Variants in MSI2 observed in about 807,000 individuals in gnomAD.
MSI2 encodes RNA-binding protein Musashi homolog 2.
MSI2 carries 17 observed loss-of-function variants against 45.6 expected under a neutral mutation model. That is an observed-to-expected ratio of 0.37 (90% confidence interval 0.26 to 0.56). The LOEUF is 0.56. MSI2 is among the 20% of genes least tolerant of loss of function. MSI2 has a pLI of 0.77. For synonymous variants in MSI2, 156 were observed against 158.2 expected (o/e 0.99, Z 0.11); for missense variants, 293 against 444.2 (o/e 0.66, Z 3.06).
chr17:57,488,388 A>G (rs2085797503), intron 6 of MSI2, among the ~76,000 whole-genome samples: 1 of 152,202 alleles, frequency 6.6e-6, no homozygotes, highest in African/African-American at 2.4e-5. Flanking sequence ...TATATTATGT[A>G]TTTAAATACA....
chr17:57,492,121 A>C (rs1390428824), intron 6 of MSI2, among the ~76,000 whole-genome samples: 1 of 152,228 alleles, frequency 6.6e-6, no homozygotes. Flanking sequence ...TAATGTACTG[A>C]ATTGCCTAAG....
intron 9 of MSI2, among the ~76,000 whole-genome samples, chr17:57,616,820 G>T (rs1019542381): frequency 6.6e-6 from 1 of 152,184 alleles, no homozygotes; most frequent in South Asian, 2.1e-4. Context: ...GTGGAGATGC[G>T]TAATGGTGTA....
At chr17:57,416,554 A>G (rs1014651357) in intron 6 of MSI2, among the ~76,000 whole-genome samples, 2 of 152,228 alleles carry the variant, frequency 1.3e-5, no homozygotes, top group African/African-American at 4.8e-5. Context: ...TTTTTCTCGT[A>G]CTGTCTGTGA....
intron 5 of MSI2, among the ~76,000 whole-genome samples, chr17:57,274,670 C>T (rs890477250): frequency 6.6e-6 from 1 of 152,200 alleles, no homozygotes; most frequent in Non-Finnish European, 1.5e-5. Context: ...GACACACACA[C>T]GTGGTTGTGC....
chr17:57,538,715 G>A (rs539507775), intron 7 of MSI2, among the ~76,000 whole-genome samples: 202 of 152,224 alleles, frequency 1.3e-3, no homozygotes, highest in Admixed American at 2.4e-3. Context: ...AAACCCTTTC[G>A]TGGTTGTTTT....
chr17:57,302,765 A>G (rs1911519216), intron 5 of MSI2, among the ~76,000 whole-genome samples: 1 of 152,198 alleles, frequency 6.6e-6, no homozygotes, highest in African/African-American at 2.4e-5. Context: ...CTAAATCCAC[A>G]TCCTCTTTTG....
chr17:57,642,211 T>C (rs1910313697), intron 10 of MSI2, among the ~76,000 whole-genome samples: 1 of 152,218 alleles, frequency 6.6e-6, no homozygotes, highest in Non-Finnish European at 1.5e-5. Context: ...CTCAGTAGTT[T>C]TTTTTAACTG....
At chr17:57,507,173 G>A (rs1449565973) in intron 6 of MSI2, among the ~76,000 whole-genome samples, 1 of 30,164 alleles carries the variant, frequency 3.3e-5, no homozygotes, top group Admixed American at 4.2e-4. Context: ...CTCTGTGTGT[G>A]TTGGGGGGGG....
chr17:57,439,853 A>T (rs916558630), intron 6 of MSI2, among the ~76,000 whole-genome samples: 4 of 152,076 alleles, frequency 2.6e-5, no homozygotes, highest in African/African-American at 4.8e-5. Flanking sequence ...AAGTCTTGGG[A>T]TAGTGTGTGA....
At position 57,280,138 on chromosome 17, in the gene MSI2, G is replaced by A. The variant is rs1474862571; in HGVS notation, c.312+17946G>A. 4 of 152,286 alleles carry A rather than the reference G, an allele frequency of 2.6e-5. No homozygotes were observed. Among genetic ancestry groups the A allele is most frequent in the Admixed American group, 1.3e-4 (2 of 15,278 alleles). The allele number at this position is 152,286 out of a possible 1,614,324, so 9.4% of individuals were successfully genotyped here. On this transcript the variant is annotated intron_variant, in intron 5 of 13. Coordinates refer to ENST00000284073, the MANE Select transcript of MSI2 (RefSeq NM_138962.4). This position sits in a 1 kb window ranked among gnomAD's most constrained non-coding sequence, Gnocchi z 4.2. ...GCATTTCATGTGCTGAGGGAAGAGA[G>A]GGTGGCTGGAATGCAGAGAGTGAGG...
chr17:57,623,949 C>T (rs1194681444), intron 9 of MSI2, among the ~76,000 whole-genome samples: 2 of 152,152 alleles, frequency 1.3e-5, no homozygotes, highest in Non-Finnish European at 2.9e-5. Flanking sequence ...AGATAAGATC[C>T]CCCGCTCTGG....
At chr17:57,587,590 G>A (rs527748195) in intron 7 of MSI2, among the ~76,000 whole-genome samples, 9 of 149,216 alleles carry the variant, frequency 6.0e-5, no homozygotes, top group Non-Finnish European at 8.9e-5. Flanking sequence ...CTGCAGAGGC[G>A]CAGGTGTGAG....
At chr17:57,567,913 A>G (rs1310619099) in intron 7 of MSI2, among the ~76,000 whole-genome samples, 3 of 152,234 alleles carry the variant, frequency 2.0e-5, no homozygotes, top group South Asian at 4.1e-4. Flanking sequence ...AAATACCTTT[A>G]CTGAATCCTT....
intron 7 of MSI2, among the ~76,000 whole-genome samples, chr17:57,548,696 G>A (rs1027585777): frequency 2.4e-4 from 36 of 152,126 alleles, no homozygotes; most frequent in African/African-American, 8.7e-4. Context: ...AGCGGGTGGG[G>A]GTGGTGCAGA....
chr17:57,443,617 A>T (rs1385184802), intron 6 of MSI2, among the ~76,000 whole-genome samples: 1 of 152,148 alleles, frequency 6.6e-6, no homozygotes, highest in African/African-American at 2.4e-5. Flanking sequence ...AGAGCAAGTT[A>T]GGGGCTGAGC....
rs1913604901 is a variant in MSI2 at position 57,681,648 on chromosome 17, A to G, written c.*2131A>G. The G allele has an allele frequency of 5.3e-6, 1 of 187,610 alleles. No homozygotes were observed. The highest frequency in any genetic ancestry group is 1.1e-5 in the Non-Finnish European group (1 of 89,172). 11.6% of individuals were successfully genotyped at this position (187,610 alleles called of 1,614,324 possible). A position where few individuals can be genotyped will look rare whatever the true frequency, so the allele number is the denominator to read the frequency against. The stretch of plus-strand genomic sequence containing the variant: ...ATTTTTTTTAATTAAAAAAAAAATC[A>G]TGTTCTTTGTTTTTCTAATAAAATG... On this transcript the variant is annotated 3_prime_UTR_variant, in exon 14 of 14. Transcript: ENST00000284073.
chr17:57,287,000 G>A (rs1193899953), intron 5 of MSI2, among the ~76,000 whole-genome samples: 3 of 152,014 alleles, frequency 2.0e-5, no homozygotes, highest in African/African-American at 7.3e-5. Flanking sequence ...GAGGCAACTG[G>A]CTCGCGCCGC....
At chr17:57,600,063 G>A (rs1411065709) in intron 8 of MSI2, among the ~76,000 whole-genome samples, 1 of 152,156 alleles carries the variant, frequency 6.6e-6, no homozygotes, top group African/African-American at 2.4e-5. Flanking sequence ...GAATTGTTTT[G>A]GTTTTTGTGA....
In MSI2 at chr17:57,615,990, G is replaced by A. The variant is rs1255392508; in HGVS notation, c.558G>A (p.Gln186=). 1 of 1,614,102 alleles carries A rather than the reference G, an allele frequency of 6.2e-7. No homozygotes were observed. The highest frequency in any genetic ancestry group is 8.5e-7 in the Non-Finnish European group (1 of 1,179,952). The part of the protein sequence containing the change: ...NNKMVECKKA[Q]PKEVMFPPGT... ...AACAGGTAGAATGTAAGAAAGCTCA[G>A]CCGAAAGAAGTCATGTTCCCACCTG... Residue 186 remains glutamine, a synonymous_variant, in exon 9 of 14, where the codon CAG becomes CAA. Transcript: ENST00000284073.
Sources: gnomAD v4.1 joint callset for allele counts (sites outside exome capture counted in the v4.1 genomes callset) on GRCh38, gnomAD v4.1.1 for gene constraint, Gnocchi (gnomAD v3.1) non-coding constraint, MANE v1.5 for transcripts, NCBI Gene and HGNC (gene_info 2026-07-23, HGNC 2026-07-21) for gene names.